The following FMNL2 variants were observed in gnomAD, a reference collection of about 807,000 sequenced individuals.
The protein encoded by FMNL2 is formin like 2.
In FMNL2, 51 loss-of-function variants were observed where a neutral mutation model predicts 130.2. The ratio of observed to expected loss-of-function variants is 0.39; its 90% CI spans 0.31 to 0.49. The LOEUF (loss-of-function observed/expected upper bound fraction) is 0.49, where lower values mean the gene tolerates loss of function less well. FMNL2 is among the 20% of genes least tolerant of loss of function. FMNL2 has a pLI of 0.85. For missense variants in FMNL2, 977 were observed against 1,316.2 expected (o/e 0.74, Z 3.99); for synonymous variants, 465 against 467.1 (o/e 1.00, Z 0.06).
At position 152,424,551 on chromosome 2, in the gene FMNL2, C is replaced by T. The variant is rs530432462; in HGVS notation, c.117+88831C>T. Among the ~76,000 whole-genome samples the T allele has an allele frequency of 4.7e-3, 714 of 152,126 alleles. 1 individual carries two copies. The highest frequency in any genetic ancestry group is 0.011 in the African/African-American group (449 of 41,500). On this transcript the variant is annotated intron_variant, in intron 1 of 25. Transcript: ENST00000288670. ...GATTACAGGCGTGCGCCACCATGCG[C>T]GGCTAATTTTTATATTTTTAACAGA...
intron 23 of FMNL2, among the ~76,000 whole-genome samples, chr2:152,638,761 A>C (rs745539852): frequency 1.3e-4 from 20 of 152,212 alleles, no homozygotes; most frequent in Non-Finnish European, 1.6e-4. Context: ...TGGTAGCCCA[A>C]GCCCACTGGC....
chr2:152,467,816 G>A (rs769247512), intron 1 of FMNL2, among the ~76,000 whole-genome samples: 6 of 152,196 alleles, frequency 3.9e-5, no homozygotes, highest in Non-Finnish European at 7.3e-5. Flanking sequence ...AACAACATTT[G>A]TTTATTGAGT....
chr2:152,530,332 G>A (rs140309972), intron 2 of FMNL2, among the ~76,000 whole-genome samples: 2 of 152,166 alleles, frequency 1.3e-5, no homozygotes, highest in South Asian at 2.1e-4. Flanking sequence ...TTTGTTTGTA[G>A]AAGGCTGTTG....
intron 1 of FMNL2, among the ~76,000 whole-genome samples, chr2:152,435,138 C>G (rs990038864): frequency 2.6e-5 from 4 of 152,110 alleles, no homozygotes; most frequent in Admixed American, 1.3e-4. Flanking sequence ...GACTCAGATA[C>G]CTGTACATAC....
intron 1 of FMNL2, among the ~76,000 whole-genome samples, chr2:152,368,736 A>G (rs1161249365): frequency 6.6e-6 from 1 of 152,216 alleles, no homozygotes. Context: ...GAGACTATTA[A>G]AAGTCACTCA....
chr2:152,387,588 C>A (rs1347595966), intron 1 of FMNL2, among the ~76,000 whole-genome samples: 21 of 152,084 alleles, frequency 1.4e-4, no homozygotes, highest in Non-Finnish European at 5.9e-5. Flanking sequence ...AGCTGAGGTT[C>A]AGTTCATTTC....
At chr2:152,611,696 G>A (rs886506822) in intron 11 of FMNL2, 91 bp downstream of exon 11, 4 of 809,932 alleles carry the variant, frequency 4.9e-6, no homozygotes, top group Middle Eastern at 2.3e-4. Context: ...GCTAAAGAAT[G>A]CCTAAAGCTC....
intron 22 of FMNL2, among the ~76,000 whole-genome samples, 174 bp from the exon 23 acceptor site, chr2:152,637,399 C>A (rs550551625): frequency 6.6e-6 from 1 of 152,122 alleles, no homozygotes; most frequent in South Asian, 2.1e-4. Context: ...TCTGCTGAGG[C>A]GTTTGGAGGA....
At chr2:152,479,724 T>G (rs1449848033) in intron 1 of FMNL2, among the ~76,000 whole-genome samples, 4 of 137,734 alleles carry the variant, frequency 2.9e-5, no homozygotes, top group Non-Finnish European at 4.5e-5. Context: ...GGTTGTTTTT[T>G]TTTTTTTTTT....
chr2:152,375,248 T>A (rs962927208), intron 1 of FMNL2, among the ~76,000 whole-genome samples: 1 of 152,212 alleles, frequency 6.6e-6, no homozygotes, highest in Non-Finnish European at 1.5e-5. Context: ...ACTGAACAGG[T>A]GTTGGGGGCC....
chr2:152,472,649 A>G (rs6742066), intron 1 of FMNL2, among the ~76,000 whole-genome samples: 88,689 of 152,056 alleles, frequency 0.58, 28,644 homozygotes, highest in East Asian at 0.97. Context: ...TGTGAATTGC[A>G]AAAGACATCA....
intron 1 of FMNL2, among the ~76,000 whole-genome samples, chr2:152,516,110 CCTTTTT>C (rs1338704002): frequency 7.2e-5 from 11 of 152,102 alleles, no homozygotes; most frequent in African/African-American, 2.7e-4. Context: ...CATCCCATTT[CCTTTTT>C]TGTAGCGACA....
At chr2:152,563,750 C>G (rs1695659410) in intron 6 of FMNL2, among the ~76,000 whole-genome samples, 1 of 151,982 alleles carries the variant, frequency 6.6e-6, no homozygotes, top group Admixed American at 6.6e-5. Flanking sequence ...TCTACTTTGT[C>G]CTTTCTCATC....
At chr2:152,533,432 G>A (rs1256441726) in intron 2 of FMNL2, among the ~76,000 whole-genome samples, 1 of 151,760 alleles carries the variant, frequency 6.6e-6, no homozygotes, top group Non-Finnish European at 1.5e-5. Context: ...CCATAAACGT[G>A]TGGGTCTATT....
intron 1 of FMNL2, among the ~76,000 whole-genome samples, chr2:152,353,986 G>A (rs1442729444): frequency 3.9e-5 from 6 of 152,150 alleles, no homozygotes; most frequent in Non-Finnish European, 1.5e-5. Flanking sequence ...GACCTTCTGT[G>A]ATACATCAGT....
chr2:152,366,111 C>T (rs1683518589), intron 1 of FMNL2, among the ~76,000 whole-genome samples: 2 of 152,018 alleles, frequency 1.3e-5, no homozygotes, highest in African/African-American at 2.4e-5. Flanking sequence ...TTTACTAGAG[C>T]CCAGAAATTT....
intron 1 of FMNL2, among the ~76,000 whole-genome samples, chr2:152,349,979 C>T (rs1005776407): frequency 2.6e-5 from 4 of 152,122 alleles, no homozygotes; most frequent in East Asian, 1.9e-4. Flanking sequence ...ATCGATTGAA[C>T]GTCTGCTCCC....
chr2:152,639,305 C>G (rs1010980328), intron 23 of FMNL2, among the ~76,000 whole-genome samples: 4 of 152,194 alleles, frequency 2.6e-5, no homozygotes, highest in Admixed American at 1.3e-4. Flanking sequence ...GTGTCTGTGA[C>G]CTTCTGCTTC....
intron 9 of FMNL2, among the ~76,000 whole-genome samples, chr2:152,584,472 A>AG (rs1322092579): frequency 6.6e-6 from 1 of 152,216 alleles, no homozygotes; most frequent in Non-Finnish European, 1.5e-5. Flanking sequence ...GGGGTGAAGT[A>AG]GGGGAGTTCA....
Sources: allele counts gnomAD v4.1 joint callset (sites outside exome capture counted in the v4.1 genomes callset), GRCh38; gene constraint gnomAD v4.1.1; transcripts MANE v1.5; gene names NCBI Gene and HGNC (gene_info 2026-07-23, HGNC 2026-07-21).